SEZ6: variants seen among roughly 807,000 people sequenced by gnomAD.
The protein encoded by SEZ6 is seizure protein 6 homolog.
In SEZ6, 53 loss-of-function variants were observed where a neutral mutation model predicts 101.0. The ratio of observed to expected loss-of-function variants is 0.52; its 90% CI spans 0.42 to 0.66. The LOEUF (loss-of-function observed/expected upper bound fraction) is 0.66. Ranked by LOEUF, SEZ6 falls within the 30% of genes least tolerant of loss-of-function variation. SEZ6 has a pLI of 0.00. For missense variants in SEZ6, 1,102 were observed against 1,289.4 expected (o/e 0.85, Z 2.23); for synonymous variants, 488 against 512.2 (o/e 0.95, Z 0.64).
At chr17:28,956,647 GCCCATGA>G in intron 14 of SEZ6, 65 bp downstream of exon 14, 1 of 1,542,998 alleles carries the variant, frequency 6.5e-7, no homozygotes, top group African/African-American at 1.4e-5. Flanking sequence ...TCCTTGGGAA[GCCCATGA>G]CCTGGGAGCC....
At chr17:28,963,385 G>C (rs113759601) in intron 5 of SEZ6, among the ~76,000 whole-genome samples, 2,997 of 152,116 alleles carry the variant, frequency 0.02, 90 homozygotes, top group African/African-American at 0.068. Context: ...GAATTCTAAG[G>C]CCCTCCCTTC....
chr17:28,969,646 T>C (rs2041121427), intron 4 of SEZ6, 111 bp downstream of exon 4: 5 of 1,023,772 alleles, frequency 4.9e-6, no homozygotes, highest in African/African-American at 1.7e-5. Context: ...TATGTGTCAC[T>C]AGCCCCTCTC....
chr17:28,960,678 C>T lies in SEZ6; in HGVS notation c.1410-7G>A. Reference sequence around the variant, plus strand: ...CCCATTGCGAATGATGAGCCTGAACCAGGAGAGTGGCAGCTATGTAGGCTG... The same window carrying T: ...CCCATTGCGAATGATGAGCCTGAACTAGGAGAGTGGCAGCTATGTAGGCTG... On this transcript the variant is annotated splice_polypyrimidine_tract_variant and splice_region_variant and intron_variant, in intron 6 of 16. Transcript: ENST00000317338. 2 of 1,610,394 alleles carry T rather than the reference C, an allele frequency of 1.2e-6. No individual in the cohort carries two copies. Among genetic ancestry groups the T allele is most frequent in the Non-Finnish European group, 1.7e-6 (2 of 1,178,232 alleles).
chr17:28,987,091 G>T (rs1201454325), intron 1 of SEZ6, among the ~76,000 whole-genome samples: 2 of 152,226 alleles, frequency 1.3e-5, no homozygotes, highest in Non-Finnish European at 2.9e-5. Flanking sequence ...GAGGGACAGG[G>T]CGGGCAGGGG....
intron 5 of SEZ6, among the ~76,000 whole-genome samples, chr17:28,963,716 C>T (rs903565110): frequency 1.3e-5 from 2 of 152,200 alleles, no homozygotes; most frequent in African/African-American, 4.8e-5. Flanking sequence ...CTCCTTTCTC[C>T]CTTTCCTGGA....
At chr17:28,989,260 A>G (rs1042860076) in intron 1 of SEZ6, among the ~76,000 whole-genome samples, 16 of 152,192 alleles carry the variant, frequency 1.1e-4, no homozygotes, top group African/African-American at 3.9e-4. Flanking sequence ...TCTATGAATA[A>G]AAATATTGAA....
intron 1 of SEZ6, among the ~76,000 whole-genome samples, chr17:28,986,006 C>A (rs1373631045): frequency 6.6e-6 from 1 of 152,194 alleles, no homozygotes; most frequent in Non-Finnish European, 1.5e-5. Context: ...AACACCCCTC[C>A]CTTCCCCGCG....
chr17:28,955,776 A>G lies in SEZ6; in HGVS notation c.*186T>C. The G allele has an allele frequency of 8.0e-6, 6 of 750,446 alleles. No homozygotes were observed. 46.5% of individuals were successfully genotyped at this position (750,446 alleles called of 1,614,324 possible). On this transcript the variant is annotated 3_prime_UTR_variant, in exon 17 of 17. Coordinates refer to ENST00000317338, the MANE Select transcript of SEZ6 (RefSeq NM_178860.5). Reference sequence around the variant, plus strand: ...GGGCCCCAAGTGGGCAATGACACCAAGAAAATAGGCCATGGTGGGCATCGC... The same window carrying G: ...GGGCCCCAAGTGGGCAATGACACCAGGAAAATAGGCCATGGTGGGCATCGC...
At chr17:28,992,577 C>T (rs920454806) in intron 1 of SEZ6, among the ~76,000 whole-genome samples, 1 of 152,228 alleles carries the variant, frequency 6.6e-6, no homozygotes, top group African/African-American at 2.4e-5. Flanking sequence ...TCTCTCCAAG[C>T]TGGCTGTTGT....
chr17:28,986,624 G>A (rs771986868), intron 1 of SEZ6, among the ~76,000 whole-genome samples: 4 of 152,242 alleles, frequency 2.6e-5, no homozygotes, highest in African/African-American at 9.6e-5. Flanking sequence ...TGGGGGAACC[G>A]CCGAACCAGG....
intron 4 of SEZ6, 57 bp downstream of exon 4, chr17:28,969,700 C>T (rs901523174): frequency 2.0e-5 from 28 of 1,373,346 alleles, no homozygotes; most frequent in Admixed American, 3.8e-5. Context: ...ACCCCCCTCC[C>T]CAGCAAGGAG....
chr17:28,970,266 C>T (rs1340364037), intron 3 of SEZ6, among the ~76,000 whole-genome samples: 2 of 152,180 alleles, frequency 1.3e-5, no homozygotes, highest in Non-Finnish European at 2.9e-5. Flanking sequence ...CCTGTCCTGC[C>T]CCTCCCTGGG....
chr17:28,972,655 C>T (rs1286883633), intron 3 of SEZ6, among the ~76,000 whole-genome samples: 4 of 152,224 alleles, frequency 2.6e-5, no homozygotes, highest in Non-Finnish European at 4.4e-5. Context: ...ATTCCTGCAG[C>T]AGGCGGAGGC....
chr17:28,990,915 A>C (rs2041448176), intron 1 of SEZ6, among the ~76,000 whole-genome samples: 1 of 152,034 alleles, frequency 6.6e-6, no homozygotes. Flanking sequence ...TTATTAAAAA[A>C]AATTTTTTTT....
At chr17:28,987,058 C>T (rs1020259406) in intron 1 of SEZ6, among the ~76,000 whole-genome samples, 5 of 152,066 alleles carry the variant, frequency 3.3e-5, no homozygotes, top group African/African-American at 7.2e-5. Flanking sequence ...GGCATGACAG[C>T]GTGTGGGTAC....
chr17:28,990,003 C>T (rs949954380), intron 1 of SEZ6, among the ~76,000 whole-genome samples: 15 of 152,186 alleles, frequency 9.9e-5, no homozygotes, highest in Middle Eastern at 3.4e-3. Context: ...ATCTGGGAGG[C>T]GGAGGTTGCA....
rs536307431 is a variant in SEZ6, at chr17:28,957,046, A to C, written c.2691T>G (p.Ala897=). 5 of 1,585,652 alleles carry C rather than the reference A, an allele frequency of 3.2e-6. No homozygotes were observed. In the African/African-American group the frequency reaches 6.7e-5, roughly 21 times the overall value. ...HWSDPPPICR[A]ASLDGFYNSR... ...TTTGAGGGGTGACAGGGCACTCACC[A>C]GCCCTACAGATGGGTGGGGGGTCAC... Residue 897 remains alanine (A), a splice_region_variant and synonymous_variant, in exon 13 of 17, where the codon GCT becomes GCG. Transcript: ENST00000317338.
chr17:28,963,926 C>T (rs779435711), intron 5 of SEZ6, 36 bp downstream of exon 5: 14 of 1,566,578 alleles, frequency 8.9e-6, no homozygotes, highest in Non-Finnish European at 1.0e-5. Flanking sequence ...CCTCACTTCT[C>T]TGCTCAGCAC....
At chr17:28,989,390 T>G (rs1285645779) in intron 1 of SEZ6, among the ~76,000 whole-genome samples, 1 of 152,180 alleles carries the variant, frequency 6.6e-6, no homozygotes, top group Non-Finnish European at 1.5e-5. Context: ...ATTTTGTAGA[T>G]GAGGACACTG....
Sources: allele counts gnomAD v4.1 joint callset (sites outside exome capture counted in the v4.1 genomes callset), GRCh38; gene constraint gnomAD v4.1.1; transcripts MANE v1.5; gene names NCBI Gene and HGNC (gene_info 2026-07-23, HGNC 2026-07-21).